The following C12orf42 variants were observed in gnomAD, a reference collection of about 807,000 sequenced individuals.
The protein encoded by C12orf42 is chromosome 12 open reading frame 42.
C12orf42 carries 25 observed loss-of-function variants against 21.6 expected under a neutral mutation model. The ratio of observed to expected loss-of-function variants is 1.16; its 90% CI spans 0.84 to 1.62. The LOEUF is 1.62. C12orf42 is among the 40% of genes most tolerant of loss of function. The pLI, the probability that C12orf42 is intolerant of heterozygous loss-of-function variation, is 0.00. For missense variants in C12orf42, 483 were observed against 459.3 expected (o/e 1.05, Z -0.47); for synonymous variants, 174 against 175.0 (o/e 0.99, Z 0.05).
intron 3 of C12orf42, among the ~76,000 whole-genome samples, chr12:103,389,540 G>A (rs181161856): frequency 5.5e-4 from 84 of 152,224 alleles, no homozygotes; most frequent in African/African-American, 1.7e-3. Context: ...TCTTTCTTCT[G>A]AATTCTGTTA....
chr12:103,434,766 G>C (rs188753748), intron 2 of C12orf42, among the ~76,000 whole-genome samples: 2 of 152,150 alleles, frequency 1.3e-5, no homozygotes, highest in Admixed American at 6.5e-5. Context: ...ACGGACTCTT[G>C]CTGATTGCTA....
exon 11 of C12orf42, chr12:103,237,883 C>T (rs1399527421): frequency 6.6e-6 from 1 of 152,106 alleles, no homozygotes; most frequent in Non-Finnish European, 1.5e-5. Context: ...TTCCGTTGGA[C>T]AAAGAAAGTC....
intron 2 of C12orf42, among the ~76,000 whole-genome samples, chr12:103,410,929 A>G (rs949793502): frequency 1.1e-3 from 161 of 152,340 alleles, no homozygotes; most frequent in African/African-American, 3.8e-3. Flanking sequence ...CTATTTAGAT[A>G]AAAAAGCTGA....
the C12orf42 span, among the ~76,000 whole-genome samples, chr12:103,524,602 G>T: frequency 6.6e-6 from 1 of 152,182 alleles, no homozygotes; most frequent in Admixed American, 6.5e-5. Context: ...CAGTCAGGCT[G>T]GACCAAATCA....
At chr12:103,535,802 G>A in the C12orf42 span, among the ~76,000 whole-genome samples, 1 of 152,108 alleles carries the variant, frequency 6.6e-6, no homozygotes, top group African/African-American at 2.4e-5. Context: ...TTTTTAGATG[G>A]GTTCTCACTT....
chr12:103,445,469 C>T (rs748813916), intron 2 of C12orf42, among the ~76,000 whole-genome samples: 1 of 151,884 alleles, frequency 6.6e-6, no homozygotes, highest in Non-Finnish European at 1.5e-5. Flanking sequence ...TTTGGTGTGC[C>T]TGCTGCTATC....
At chr12:103,110,519 G>A in the C12orf42 span, among the ~76,000 whole-genome samples, 1 of 152,102 alleles carries the variant, frequency 6.6e-6, no homozygotes, top group Non-Finnish European at 1.5e-5. Context: ...AAGCAACTAT[G>A]GCAAAGTATT....
intron 3 of C12orf42, among the ~76,000 whole-genome samples, chr12:103,399,744 T>C (rs1352657520): frequency 1.3e-5 from 2 of 152,168 alleles, no homozygotes; most frequent in Non-Finnish European, 2.9e-5. Context: ...TTCTTTACTG[T>C]TGCTTTTAGT....
chr12:103,074,638 A>T, the C12orf42 span, among the ~76,000 whole-genome samples: 1 of 152,208 alleles, frequency 6.6e-6, no homozygotes, highest in South Asian at 2.1e-4. Flanking sequence ...TCTATAAATA[A>T]TATGATTAGG....
the C12orf42 span, among the ~76,000 whole-genome samples, chr12:103,163,728 G>A: frequency 6.6e-6 from 1 of 152,164 alleles, no homozygotes; most frequent in South Asian, 2.1e-4. Context: ...TTGCCTGGAT[G>A]TTCATCCCAG....
At chr12:103,063,638 C>T in the C12orf42 span, among the ~76,000 whole-genome samples, 1 of 152,138 alleles carries the variant, frequency 6.6e-6, no homozygotes, top group African/African-American at 2.4e-5. Flanking sequence ...GAGGCAGTTG[C>T]CAGGCAAGAT....
At chr12:103,262,005 G>T (rs962070582) in intron 10 of C12orf42, among the ~76,000 whole-genome samples, 1 of 152,208 alleles carries the variant, frequency 6.6e-6, no homozygotes, top group Non-Finnish European at 1.5e-5. Flanking sequence ...GCCAGGACTT[G>T]CTCTGTCATG....
chr12:103,376,900 A>ACT lies in C12orf42; in HGVS notation c.148-7904_148-7903dup, dbSNP rs148405111. ...TGTTCTCATTCTCTCTCTCTCTCTC[A>ACT]CTCTCTCGCTCTCTTGCTCTCTCCC... On this transcript the variant is annotated intron_variant, in intron 3 of 5. Transcript: ENST00000548883. Among the ~76,000 whole-genome samples, 489 of 146,278 alleles carry ACT rather than the reference A, an allele frequency of 3.3e-3. 3 individuals carry two copies. The highest frequency in any genetic ancestry group is 0.012 in the African/African-American group (463 of 39,566).
chr12:103,458,085 G>A (rs1393707665), intron 2 of C12orf42, among the ~76,000 whole-genome samples: 2 of 152,004 alleles, frequency 1.3e-5, no homozygotes. Flanking sequence ...ATCTAGACAG[G>A]GCAATTAAAG....
At chr12:103,273,237 A>G (rs920920892) in intron 5 of C12orf42, among the ~76,000 whole-genome samples, 1 of 152,136 alleles carries the variant, frequency 6.6e-6, no homozygotes, top group African/African-American at 2.4e-5. Flanking sequence ...GCCTTTGCCC[A>G]GGTTCAGTTC....
chr12:103,168,320 G>C, the C12orf42 span: 1 of 286,462 alleles, frequency 3.5e-6, no homozygotes, highest in African/African-American at 2.3e-5. Context: ...TAACTGACAT[G>C]CTACTTGAGC....
intron 1 of C12orf42, 111 bp downstream of exon 1, chr12:103,495,791 G>GTGCT (rs1955512950): frequency 6.6e-6 from 1 of 152,212 alleles, no homozygotes; most frequent in Non-Finnish European, 1.5e-5. Context: ...CTTTGCTGCC[G>GTGCT]TGCTGCCTCT....
intron 10 of C12orf42, among the ~76,000 whole-genome samples, chr12:103,250,758 G>T (rs1016873363): frequency 1.3e-5 from 2 of 151,846 alleles, no homozygotes; most frequent in African/African-American, 2.4e-5. Context: ...ACTTTTTCTT[G>T]GTTCCCTTGT....
chr12:103,373,315 T>C (rs1343452373), intron 3 of C12orf42, among the ~76,000 whole-genome samples: 1 of 152,218 alleles, frequency 6.6e-6, no homozygotes, highest in Admixed American at 6.5e-5. Context: ...CCTCGTGTGC[T>C]ATCGGCTGTA....
Sources: gnomAD v4.1 joint callset for allele counts (sites outside exome capture counted in the v4.1 genomes callset) on GRCh38, gnomAD v4.1.1 for gene constraint, MANE v1.5 for transcripts, NCBI Gene and HGNC (gene_info 2026-07-23, HGNC 2026-07-21) for gene names.